Variants in ABHD17C observed in about 807,000 individuals in gnomAD.
ABHD17C encodes alpha/beta hydrolase domain-containing protein 17C.
ABHD17C carries 11 observed loss-of-function variants against 27.9 expected under a neutral mutation model. The ratio of observed to expected loss-of-function variants is 0.39; its 90% CI spans 0.25 to 0.65. The LOEUF is 0.65. Among genes scored for constraint, ABHD17C ranks in the 30% least tolerant of loss-of-function variants. The pLI, the probability that ABHD17C is intolerant of heterozygous loss-of-function variation, is 0.45. For missense variants in ABHD17C, 280 were observed against 470.2 expected, an observed-to-expected ratio of 0.60 and a Z score of 3.74; for synonymous variants, 233 against 209.1, an observed-to-expected ratio of 1.11 and a Z score of -0.98.
intron 1 of ABHD17C, among the ~76,000 whole-genome samples, chr15:80,702,409 C>G (rs778562294): frequency 6.6e-6 from 1 of 152,128 alleles, no homozygotes; most frequent in Non-Finnish European, 1.5e-5. Context: ...CCAGCCCGGG[C>G]AACATAACAA....
At chr15:80,752,102 A>T (rs1895373059) in intron 2 of ABHD17C, among the ~76,000 whole-genome samples, 1 of 152,114 alleles carries the variant, frequency 6.6e-6, no homozygotes. Context: ...CTTTAAATAC[A>T]CCCTCCAGGC....
chr15:80,724,707 G>T (rs1894948609), intron 1 of ABHD17C, among the ~76,000 whole-genome samples: 1 of 152,168 alleles, frequency 6.6e-6, no homozygotes, highest in Admixed American at 6.5e-5. Context: ...GTCTGGGAGG[G>T]TGATGGATGC....
chr15:80,711,769 C>T (rs1894731729), intron 1 of ABHD17C, among the ~76,000 whole-genome samples: 2 of 152,164 alleles, frequency 1.3e-5, no homozygotes, highest in South Asian at 4.1e-4. Flanking sequence ...GAAACCCATT[C>T]TTGTATTATT....
At chr15:80,705,584 G>A (rs965055500) in intron 1 of ABHD17C, among the ~76,000 whole-genome samples, 3 of 152,124 alleles carry the variant, frequency 2.0e-5, no homozygotes, top group African/African-American at 7.2e-5. Context: ...CATTTTTAGA[G>A]CTATAATAAC....
chr15:80,714,418 G>A (rs778625054), intron 1 of ABHD17C, among the ~76,000 whole-genome samples: 34 of 152,168 alleles, frequency 2.2e-4, no homozygotes, highest in Non-Finnish European at 5.9e-5. Context: ...TTTCACAAAT[G>A]CAGAAACTTA....
chr15:80,746,219 CTT>C (rs1025092508), intron 1 of ABHD17C, among the ~76,000 whole-genome samples: 3 of 151,368 alleles, frequency 2.0e-5, no homozygotes, highest in African/African-American at 7.3e-5. Flanking sequence ...CTTTTTTTCT[CTT>C]TCTCTGTCTT....
At chr15:80,745,192 T>C (rs1278884025) in intron 1 of ABHD17C, among the ~76,000 whole-genome samples, 1 of 152,224 alleles carries the variant, frequency 6.6e-6, no homozygotes, top group Non-Finnish European at 1.5e-5. Flanking sequence ...GACATCCTTC[T>C]CTCCAGTGAT....
intron 2 of ABHD17C, among the ~76,000 whole-genome samples, chr15:80,752,799 G>C (rs77627818): frequency 6.6e-6 from 1 of 152,256 alleles, no homozygotes; most frequent in South Asian, 2.1e-4. Flanking sequence ...CTGTTATCCC[G>C]ATCAGAGAAG....
chr15:80,748,173 G>A (rs573219440), intron 1 of ABHD17C, among the ~76,000 whole-genome samples: 4 of 152,310 alleles, frequency 2.6e-5, no homozygotes, highest in South Asian at 4.1e-4. Flanking sequence ...ATGGAGTTTC[G>A]TGGAGCTTGG....
chr15:80,752,983 T>C (rs1400996313), intron 2 of ABHD17C, among the ~76,000 whole-genome samples: 2 of 152,182 alleles, frequency 1.3e-5, no homozygotes, highest in South Asian at 4.1e-4. Context: ...TTACATTAAG[T>C]TTTCAAGCTA....
intron 1 of ABHD17C, among the ~76,000 whole-genome samples, chr15:80,709,363 C>T (rs1204640554): frequency 2.0e-5 from 3 of 151,806 alleles, no homozygotes; most frequent in Non-Finnish European, 2.9e-5. Context: ...GTAGTGCACA[C>T]CTGTAGTCCC....
chr15:80,717,671 C>T (rs1332352002), intron 1 of ABHD17C, among the ~76,000 whole-genome samples: 1 of 152,258 alleles, frequency 6.6e-6, no homozygotes, highest in East Asian at 1.9e-4. Flanking sequence ...CAGGCGTGAG[C>T]CATTGTGCCC....
chr15:80,708,461 A>G (rs1287132046), intron 1 of ABHD17C, among the ~76,000 whole-genome samples: 7 of 152,156 alleles, frequency 4.6e-5, no homozygotes, highest in Non-Finnish European at 8.8e-5. Flanking sequence ...GATCACAGGC[A>G]TGTGCCACCA....
At chr15:80,707,778 G>C (rs1486501335) in intron 1 of ABHD17C, among the ~76,000 whole-genome samples, 1 of 152,044 alleles carries the variant, frequency 6.6e-6, no homozygotes, top group African/African-American at 2.4e-5. Context: ...GCTTCCTGAG[G>C]CTTCTACAGC....
intron 1 of ABHD17C, among the ~76,000 whole-genome samples, chr15:80,742,471 T>A (rs1331611325): frequency 6.6e-6 from 1 of 152,216 alleles, no homozygotes; most frequent in East Asian, 1.9e-4. Flanking sequence ...ATTTTCCTGT[T>A]GTCCACCTTT....
At chr15:80,699,721 A>G (rs1028877171) in intron 1 of ABHD17C, among the ~76,000 whole-genome samples, 2 of 152,188 alleles carry the variant, frequency 1.3e-5, no homozygotes, top group Admixed American at 1.3e-4. Flanking sequence ...ATCCAGAGTA[A>G]GGGTTTCAGG....
chr15:80,699,470 T>G (rs1321179273), intron 1 of ABHD17C, among the ~76,000 whole-genome samples: 1 of 152,172 alleles, frequency 6.6e-6, no homozygotes, highest in Non-Finnish European at 1.5e-5. Flanking sequence ...CACTTTGTAT[T>G]CATTGTATTG....
intron 1 of ABHD17C, among the ~76,000 whole-genome samples, chr15:80,714,609 G>C (rs772404972): frequency 6.6e-6 from 1 of 152,182 alleles, no homozygotes; most frequent in African/African-American, 2.4e-5. Context: ...ACGTACGCTA[G>C]GGGTGCAGAA....
At chr15:80,729,257 A>G (rs1370476640) in intron 1 of ABHD17C, among the ~76,000 whole-genome samples, 1 of 152,238 alleles carries the variant, frequency 6.6e-6, no homozygotes, top group East Asian at 1.9e-4. Flanking sequence ...GCAGAAAATA[A>G]GCTCAACTGA....
Sources: allele counts gnomAD v4.1 joint callset (sites outside exome capture counted in the v4.1 genomes callset), GRCh38; gene constraint gnomAD v4.1.1; transcripts MANE v1.5; gene names NCBI Gene and HGNC (gene_info 2026-07-23, HGNC 2026-07-21).